ONECUT1: variants seen among roughly 807,000 people sequenced by gnomAD.
ONECUT1 encodes the protein hepatocyte nuclear factor 6.
Under a neutral mutation model 25.6 loss-of-function variants are expected in ONECUT1, and 12 were observed. The observed-to-expected ratio is 0.47, with a 90% CI of 0.30 to 0.76. ONECUT1 has a LOEUF of 0.76. Ranked by LOEUF, ONECUT1 falls within the 30% of genes least tolerant of loss-of-function variation. The pLI is 0.07. For missense variants in ONECUT1, 620 were observed against 651.2 expected (o/e 0.95, Z 0.52); for synonymous variants, 285 against 270.2 (o/e 1.05, Z -0.54).
intron 1 of ONECUT1, among the ~76,000 whole-genome samples, chr15:52,777,255 A>G (rs1172821663): frequency 2.0e-5 from 3 of 151,188 alleles, no homozygotes; most frequent in Non-Finnish European, 4.4e-5. Flanking sequence ...GAGTAAAAAT[A>G]AGAGTCATCT....
At chr15:52,766,820 T>G (rs1230680476) in intron 1 of ONECUT1, among the ~76,000 whole-genome samples, 1 of 152,202 alleles carries the variant, frequency 6.6e-6, no homozygotes, top group African/African-American at 2.4e-5. Flanking sequence ...GGTCTGCTTC[T>G]CTAGCAGAGC....
At chr15:52,785,853 C>T (rs995135701) in intron 1 of ONECUT1, 9 of 152,268 alleles carry the variant, frequency 5.9e-5, no homozygotes, top group African/African-American at 2.2e-4. Flanking sequence ...GCTGTTATTT[C>T]GTGACCGGAA....
chr15:52,759,449 T>G (rs934521846), intron 1 of ONECUT1, among the ~76,000 whole-genome samples: 23 of 152,326 alleles, frequency 1.5e-4, no homozygotes, highest in Admixed American at 2.6e-4. Context: ...CTCAAGGCTT[T>G]AGAGTCCAAT....
chr15:52,786,553 G>T (rs2083875998), intron 1 of ONECUT1, among the ~76,000 whole-genome samples: 1 of 152,230 alleles, frequency 6.6e-6, no homozygotes, highest in African/African-American at 2.4e-5. Flanking sequence ...CCAGGCAGGC[G>T]CTCCTTCGAT....
chr15:52,786,353 C>T (rs2083874862), intron 1 of ONECUT1, among the ~76,000 whole-genome samples: 1 of 152,260 alleles, frequency 6.6e-6, no homozygotes, highest in Non-Finnish European at 1.5e-5. Flanking sequence ...GCCCTTTCCA[C>T]CATCCCTTTT....
At chr15:52,759,224 C>T (rs978961793) in intron 1 of ONECUT1, among the ~76,000 whole-genome samples, 2 of 152,162 alleles carry the variant, frequency 1.3e-5, no homozygotes, top group African/African-American at 4.8e-5. Context: ...TCACTGTATG[C>T]CTCTGTGTAT....
Position 52,789,722 on chromosome 15 carries a change from T to C in ONECUT1, c.163A>G (p.Met55Val). The change falls in exon 1 of 2, where the codon ATG becomes GTG. Residue 55 changes from methionine (M) to valine (V), a missense_variant. Coordinates refer to ENST00000305901, the MANE Select transcript of ONECUT1 (RefSeq NM_004498.4). The surrounding 1 kb of genome is among the most constrained non-coding windows in gnomAD (Gnocchi z 4.1). ...LPPAHPRSMG[M>V]ASLLDGGSGG... The stretch of plus-strand genomic sequence containing the variant: ...CTGCCGCCGTCCAGCAGGGACGCCA[T>C]GCCCATGGAGCGCGGGTGCGCGGGG... The C allele has an allele frequency of 6.9e-7, 1 of 1,454,926 alleles. No individual in the cohort carries two copies. Among genetic ancestry groups the C allele is most frequent in the South Asian group, 1.5e-5 (1 of 68,714 alleles). The allele number at this position is 1,454,926 out of a possible 1,614,324, so 90.1% of individuals were successfully genotyped here.
rs1037009545 is a variant in ONECUT1 at position 52,755,275 on chromosome 15, A to G, written c.*2280T>C. ...CGGCTCCCTCCATCCCTGGAGAGAG[A>G]GAAAATGTTAATCAGTTTTTTCCTT... is the stretch of plus-strand genomic sequence containing the variant. On this transcript the variant is annotated 3_prime_UTR_variant, in exon 2 of 2. Transcript: ENST00000305901. 6.6e-6 allele frequency among the ~76,000 whole-genome samples: 1 copy of G among 152,138 alleles called. No individual in the cohort carries two copies. Among genetic ancestry groups the G allele is most frequent in the Non-Finnish European group, 1.5e-5 (1 of 68,030 alleles).
At chr15:52,758,586 G>T (rs1200539601) in intron 1 of ONECUT1, among the ~76,000 whole-genome samples, 1 of 152,118 alleles carries the variant, frequency 6.6e-6, no homozygotes, top group Non-Finnish European at 1.5e-5. Context: ...CATCTCTGGG[G>T]TCTCTCTGTG....
Position 52,757,780 on chromosome 15 carries a change from G to C in ONECUT1, c.1173C>G (p.Val391=). The stretch of plus-strand genomic sequence containing the variant: ...GAGTTCGACGCTGGACATCTGTGAA[G>C]ACCAACCTGGGCTTTTTGGGTGTGT... ...RGNTPKKPRL[V]FTDVQRRTLH... is the part of the protein sequence containing the mutation. Residue 391 remains valine, a synonymous_variant, in exon 2 of 2, where the codon GTC becomes GTG. Coordinates refer to ENST00000305901, the MANE Select transcript of ONECUT1 (RefSeq NM_004498.4). 2 of 1,614,188 alleles carry C rather than the reference G, an allele frequency of 1.2e-6. No individual in the cohort carries two copies. Among genetic ancestry groups the C allele is most frequent in the Non-Finnish European group, 8.5e-7 (1 of 1,180,018 alleles).
rs1555416122 is a variant in ONECUT1, at chr15:52,777,737, CAA to C, written c.1105+11041_1105+11042del. 8.2e-3 allele frequency among the ~76,000 whole-genome samples: 851 copies of C among 103,418 alleles called. 17 individuals are homozygous for C. The highest frequency in any genetic ancestry group is 8.4e-3 in the Non-Finnish European group (430 of 51,106). The allele number at this position is 103,418 out of a possible 152,430, so 67.8% of individuals were successfully genotyped here. A position where few individuals can be genotyped will look rare whatever the true frequency, so the allele number is the denominator to read the frequency against. On this transcript the variant is annotated intron_variant, in intron 1 of 1. Transcript: ENST00000305901. Reference sequence around the variant, plus strand: ...ACACACACACACACACACACACACACAAAAAAACATGTAAAGTTATTTGTTCT... The same window carrying C: ...ACACACACACACACACACACACACACAAAAACATGTAAAGTTATTTGTTCT...
In ONECUT1 at chr15:52,757,182, C is replaced by A; in HGVS notation, c.*373G>T. The A allele has an allele frequency of 4.7e-6, 1 of 211,972 alleles. No individual in the cohort carries two copies. The allele number at this position is 211,972 out of a possible 1,614,324, so 13.1% of individuals were successfully genotyped here. A position where few individuals can be genotyped will look rare whatever the true frequency, so the allele number is the denominator to read the frequency against. On this transcript the variant is annotated 3_prime_UTR_variant, in exon 2 of 2. Coordinates refer to ENST00000305901, the MANE Select transcript of ONECUT1 (RefSeq NM_004498.4). ...GTGGTAGTACTGAGACACCATACAC[C>A]TTCGTGGCATGGTAGAACAGATGAG...
intron 1 of ONECUT1, among the ~76,000 whole-genome samples, chr15:52,777,914 T>G (rs2083814745): frequency 6.6e-6 from 1 of 152,206 alleles, no homozygotes; most frequent in South Asian, 2.1e-4. Flanking sequence ...CTTTTACTTA[T>G]TTTATCCTCC....
chr15:52,757,382 A>T lies in ONECUT1; in HGVS notation c.*173T>A, dbSNP rs1275334600. ...CGCCCTGCTGAAGTGTGTGTCTCCAAACAAAGTCAGAATGCAGGTGAGCTA... is the reference window on the plus strand; with the variant it reads ...CGCCCTGCTGAAGTGTGTGTCTCCATACAAAGTCAGAATGCAGGTGAGCTA... On this transcript the variant is annotated 3_prime_UTR_variant, in exon 2 of 2. Transcript: ENST00000305901. 1 of 720,454 alleles carries T rather than the reference A, an allele frequency of 1.4e-6. No individual in the cohort carries two copies. Among genetic ancestry groups the T allele is most frequent in the Non-Finnish European group, 2.2e-6 (1 of 458,118 alleles). 44.6% of individuals were successfully genotyped at this position (720,454 alleles called of 1,614,324 possible).
Position 52,757,663 on chromosome 15 carries a change from G to A in ONECUT1, c.1290C>T (p.Ser430=). The change falls in exon 2 of 2, where the codon AGC becomes AGT. Residue 430 remains serine, a synonymous_variant. Transcript: ENST00000305901. ...QQLGLELSTV[S]NFFMNARRRS... ...TCCTTCTTGCGTTCATGAAGAAGTT[G>A]CTGACAGTGCTCAGCTCCAACCCCA... 6.2e-7 allele frequency: 1 copy of A among 1,614,136 alleles called. No individual in the cohort carries two copies. The highest frequency in any genetic ancestry group is 8.5e-7 in the Non-Finnish European group (1 of 1,180,014).
chr15:52,785,643 G>A (rs1452956738), intron 1 of ONECUT1: 1 of 152,264 alleles, frequency 6.6e-6, no homozygotes, highest in Non-Finnish European at 1.5e-5. Context: ...AACTAATCTT[G>A]GTCTTGATAG....
At chr15:52,773,231 A>G (rs1325047858) in intron 1 of ONECUT1, among the ~76,000 whole-genome samples, 1 of 126,402 alleles carries the variant, frequency 7.9e-6, no homozygotes, top group Non-Finnish European at 1.7e-5. Flanking sequence ...TGTGAGAGAG[A>G]CAGAGAGAGA....
intron 1 of ONECUT1, among the ~76,000 whole-genome samples, chr15:52,773,055 G>A (rs1311357110): frequency 1.3e-5 from 2 of 152,206 alleles, no homozygotes; most frequent in Admixed American, 6.5e-5. Context: ...AAGCTCCCAA[G>A]TGATGCTGGG....
In ONECUT1 at chr15:52,784,505, C is replaced by G. The variant is rs890824964; in HGVS notation, c.1105+4275G>C. Among the ~76,000 whole-genome samples, 1 of 152,178 alleles carries G rather than the reference C, an allele frequency of 6.6e-6. No homozygotes were observed. Among genetic ancestry groups the G allele is most frequent in the Non-Finnish European group, 1.5e-5 (1 of 68,030 alleles). On this transcript the variant is annotated intron_variant, in intron 1 of 1. Transcript: ENST00000305901. The surrounding 1 kb of genome is among the most constrained non-coding windows in gnomAD (Gnocchi z 5.0). ...ATAGCCATCAGCCCCCCTTAAGCCCCAGAAGTAGGTTTCCCCTGCCCCAGC... is the reference window on the plus strand; with the variant it reads ...ATAGCCATCAGCCCCCCTTAAGCCCGAGAAGTAGGTTTCCCCTGCCCCAGC...
Sources: gnomAD v4.1 joint callset for allele counts (sites outside exome capture counted in the v4.1 genomes callset) on GRCh38, gnomAD v4.1.1 for gene constraint, Gnocchi (gnomAD v3.1) non-coding constraint, MANE v1.5 for transcripts, NCBI Gene and HGNC (gene_info 2026-07-23, HGNC 2026-07-21) for gene names.